The following CCDC12 variants were observed in gnomAD, a reference collection of about 807,000 sequenced individuals.
CCDC12 encodes coiled-coil domain containing 12.
Under a neutral mutation model 25.7 loss-of-function variants are expected in CCDC12, and 28 were observed. That is an observed-to-expected ratio of 1.09 (90% CI 0.81 to 1.50). CCDC12 has a LOEUF of 1.50. CCDC12 is among the 40% of genes most tolerant of loss of function. The pLI is 0.00. For synonymous variants in CCDC12, 75 were observed against 87.7 expected (o/e 0.86, Z 0.81); for missense variants, 198 against 210.0 (o/e 0.94, Z 0.35).
intron 1 of CCDC12, among the ~76,000 whole-genome samples, chr3:46,949,193 T>C (rs181906748): frequency 6.6e-6 from 1 of 152,208 alleles, no homozygotes; most frequent in African/African-American, 2.4e-5. Context: ...GGCAGTGTTT[T>C]TTTGGGTGGC....
intron 1 of CCDC12, among the ~76,000 whole-genome samples, chr3:46,965,164 C>T (rs1009677454): frequency 6.6e-6 from 1 of 152,126 alleles, no homozygotes; most frequent in Non-Finnish European, 1.5e-5. Context: ...CTGAGGGATT[C>T]ACCATCAAGA....
intron 1 of CCDC12, among the ~76,000 whole-genome samples, chr3:46,947,109 A>AT (rs2033937834): frequency 6.6e-6 from 1 of 152,202 alleles, no homozygotes; most frequent in African/African-American, 2.4e-5. Flanking sequence ...TACGCCTGCT[A>AT]TAATGTCCAT....
chr3:46,948,004 G>C (rs1041291756), intron 1 of CCDC12, among the ~76,000 whole-genome samples: 1 of 152,238 alleles, frequency 6.6e-6, no homozygotes, highest in Non-Finnish European at 1.5e-5. Flanking sequence ...GGAAGGAAAG[G>C]GCTGCAGAAA....
intron 1 of CCDC12, among the ~76,000 whole-genome samples, chr3:46,942,636 A>G (rs1273241640): frequency 6.6e-6 from 1 of 152,212 alleles, no homozygotes; most frequent in Non-Finnish European, 1.5e-5. Flanking sequence ...CAGACTACCA[A>G]AACCAGGTCG....
intron 1 of CCDC12, chr3:46,976,217 G>C (rs75166196): frequency 0.015 from 10,943 of 709,146 alleles, 199 homozygotes; most frequent in East Asian, 0.062. Flanking sequence ...TGTCCAAGGA[G>C]TGCTGCCGGA....
rs1301855138 is a variant in CCDC12 at position 46,941,073 on chromosome 3, G to A, written c.97-8C>T. On this transcript the variant is annotated splice_polypyrimidine_tract_variant and splice_region_variant and intron_variant, in intron 1 of 6. Transcript: ENST00000683445. ...CTCCCCATCTTCCTTGTCCTGCAAA[G>A]AAAGGGAGAAAACCACCAGCTCAGT... The A allele has an allele frequency of 1.2e-6, 2 of 1,613,988 alleles. No homozygotes were observed. The highest frequency in any genetic ancestry group is 1.7e-6 in the Non-Finnish European group (2 of 1,179,964).
At chr3:46,931,809 C>T (rs879012783) in intron 2 of CCDC12, among the ~76,000 whole-genome samples, 6 of 152,244 alleles carry the variant, frequency 3.9e-5, no homozygotes, top group Admixed American at 1.3e-4. Flanking sequence ...GCAGGCCTTG[C>T]AGAGGCCACC....
chr3:46,931,902 A>G (rs534136472), intron 2 of CCDC12, among the ~76,000 whole-genome samples: 1 of 152,338 alleles, frequency 6.6e-6, no homozygotes, highest in East Asian at 1.9e-4. Context: ...GAGCTCTGCC[A>G]GGAAAACACA....
chr3:46,974,093 CAGA>C (rs1179660055), intron 1 of CCDC12, among the ~76,000 whole-genome samples: 2 of 152,042 alleles, frequency 1.3e-5, no homozygotes, highest in African/African-American at 4.8e-5. Context: ...AAGCCAGTCA[CAGA>C]AGGACAAATA....
chr3:46,922,034 C>T lies in CCDC12; in HGVS notation c.*23G>A, dbSNP rs527584935. ...TCCTCTGCAGGACAGGCCTGATGGGCGAGTGGTGGGGCAGGGCATGCCTCA... is the reference window on the plus strand; with the variant it reads ...TCCTCTGCAGGACAGGCCTGATGGGTGAGTGGTGGGGCAGGGCATGCCTCA... On this transcript the variant is annotated 3_prime_UTR_variant, in exon 7 of 7. Transcript: ENST00000683445. 5.0e-5 allele frequency: 80 copies of T among 1,612,432 alleles called. No homozygotes were observed. In the Admixed American group the frequency reaches 1.0e-3, roughly 21 times the overall value.
chr3:46,934,463 G>A (rs1236769440), intron 2 of CCDC12, among the ~76,000 whole-genome samples: 1 of 152,190 alleles, frequency 6.6e-6, no homozygotes, highest in African/African-American at 2.4e-5. Flanking sequence ...TCACCTGCCT[G>A]GACTGTAGTT....
chr3:46,945,131 A>T (rs961918103), intron 1 of CCDC12, among the ~76,000 whole-genome samples: 7 of 152,152 alleles, frequency 4.6e-5, no homozygotes, highest in African/African-American at 1.7e-4. Context: ...GGCCATTCCT[A>T]TTCACATGTA....
intron 2 of CCDC12, among the ~76,000 whole-genome samples, chr3:46,931,599 G>GC (rs1491299646): frequency 0.32 from 47,921 of 151,896 alleles, 8,044 homozygotes; most frequent in East Asian, 0.54. Context: ...TTCACCTGCT[G>GC]CCCTGGGCCC....
At chr3:46,971,806 A>T (rs932472479) in intron 1 of CCDC12, among the ~76,000 whole-genome samples, 2 of 152,216 alleles carry the variant, frequency 1.3e-5, no homozygotes, top group Non-Finnish European at 2.9e-5. Context: ...CATGGGGCAG[A>T]CAGGTGCTCT....
At chr3:46,953,262 A>G (rs1170614090) in intron 1 of CCDC12, among the ~76,000 whole-genome samples, 1 of 152,182 alleles carries the variant, frequency 6.6e-6, no homozygotes, top group African/African-American at 2.4e-5. Context: ...GCAGGCCAGC[A>G]TTCACATGAT....
chr3:46,963,650 G>T (rs2034535954), intron 1 of CCDC12, among the ~76,000 whole-genome samples: 1 of 152,266 alleles, frequency 6.6e-6, no homozygotes. Context: ...TGGAGACCGG[G>T]TTTCGCTGTG....
At chr3:46,937,549 A>G (rs943723725) in intron 2 of CCDC12, among the ~76,000 whole-genome samples, 1 of 152,208 alleles carries the variant, frequency 6.6e-6, no homozygotes. Context: ...CATCTCTCCA[A>G]TGGACTGGAA....
intron 1 of CCDC12, among the ~76,000 whole-genome samples, chr3:46,944,962 C>T (rs78580841): frequency 0.046 from 6,965 of 152,280 alleles, 231 homozygotes; most frequent in Non-Finnish European, 0.068. Context: ...AATATCTACT[C>T]TGATAACCCC....
intron 1 of CCDC12, among the ~76,000 whole-genome samples, chr3:46,957,045 T>G (rs182098188): frequency 9.7e-4 from 148 of 152,134 alleles, no homozygotes; most frequent in African/African-American, 3.4e-3. Flanking sequence ...CCACCTTGAG[T>G]CTTGGGGGAG....
Sources: allele counts gnomAD v4.1 joint callset (sites outside exome capture counted in the v4.1 genomes callset), GRCh38; gene constraint gnomAD v4.1.1; transcripts MANE v1.5; gene names NCBI Gene and HGNC (gene_info 2026-07-23, HGNC 2026-07-21).